Variants in SPTB observed in about 807,000 individuals in gnomAD.
The protein encoded by SPTB is spectrin beta, erythrocytic.
In SPTB, 45 loss-of-function variants were observed where a neutral mutation model predicts 256.2. That is an observed-to-expected ratio of 0.18 (90% CI 0.14 to 0.23). The LOEUF (loss-of-function observed/expected upper bound fraction) is 0.23, where lower values mean the gene tolerates loss of function less well. SPTB is among the 10% of genes least tolerant of loss of function. SPTB has a pLI of 1.00. For synonymous variants in SPTB, 1,231 were observed against 1,243.1 expected (o/e 0.99, Z 0.21); for missense variants, 2,715 against 3,040.4 (o/e 0.89, Z 2.52).
intron 32 of SPTB, among the ~76,000 whole-genome samples, chr14:64,763,994 T>C (rs1337575520): frequency 6.6e-6 from 1 of 152,012 alleles, no homozygotes; most frequent in Non-Finnish European, 1.5e-5. Flanking sequence ...CTCCCATCAG[T>C]TCCCCCCAGC....
At chr14:64,855,967 G>A (rs543068991) in intron 1 of SPTB, among the ~76,000 whole-genome samples, 10 of 152,338 alleles carry the variant, frequency 6.6e-5, no homozygotes, top group African/African-American at 2.2e-4. Context: ...CAGAGCTGCG[G>A]AAGCACTGGC....
Position 64,794,620 on chromosome 14 carries a change from G to T in SPTB, c.1645-3C>A, listed in dbSNP as rs756059657. The T allele has an allele frequency of 6.2e-7, 1 of 1,614,138 alleles. No homozygotes were observed. The highest frequency in any genetic ancestry group is 8.5e-7 in the Non-Finnish European group (1 of 1,180,024). ...AACTCGGCAGACAAGAGGTGAGCCT[G>T]GCAAAGAGAACAGCAGAAAGGAAAT... On this transcript the variant is annotated splice_region_variant and splice_polypyrimidine_tract_variant and intron_variant, in intron 12 of 35. Coordinates refer to ENST00000644917, the MANE Select transcript of SPTB (RefSeq NM_001355436.2).
At chr14:64,819,578 A>G (rs368516263) in intron 2 of SPTB, among the ~76,000 whole-genome samples, 1 of 152,174 alleles carries the variant, frequency 6.6e-6, no homozygotes, top group African/African-American at 2.4e-5. Context: ...GCTTCATCTC[A>G]TGGGCATCAG....
At position 64,793,316 on chromosome 14, in the gene SPTB, T is replaced by C. The variant is rs768150365; in HGVS notation, c.2347A>G (p.Lys783Glu). 6 of 1,608,286 alleles carry C rather than the reference T, an allele frequency of 3.7e-6. No homozygotes were observed. The highest frequency in any genetic ancestry group is 1.7e-5 in the Admixed American group (1 of 60,010). The change falls in exon 14 of 36, where the codon AAA becomes GAA. Residue 783 changes from lysine (K) to glutamate (E), a missense_variant. Physicochemically the swap from Lys to Glu is moderately conservative, Grantham distance 56 (BLOSUM62 1). Transcript: ENST00000644917. The surrounding 1 kb of genome is among the most constrained non-coding windows in gnomAD (Gnocchi z 7.0). ...QDEGATRALGKKHKDFLEELE... is the reference protein window; with the variant it reads ...QDEGATRALGEKHKDFLEELE... ...TCCTCCAGGAAGTCCTTGTGCTTTT[T>C]CCCCAGGGCCCGCGTGGCCCCTTCG...
In SPTB at chr14:64,784,341, T is replaced by G; in HGVS notation, c.3908A>C (p.Asp1303Ala). ...TTTATTGTGAAGGTTTCGTGCTTCATCATAGGAGACATCCTGAGATGTCAG... is the reference window on the plus strand; with the variant it reads ...TTTATTGTGAAGGTTTCGTGCTTCAGCATAGGAGACATCCTGAGATGTCAG... The part of the protein sequence containing the change: ...KLLTSQDVSY[D>A]EARNLHNKWL... The change falls in exon 19 of 36, where the codon GAT becomes GCT. Residue 1303 changes from aspartate (D) to alanine (A), a missense_variant. Transcript: ENST00000644917. 6.2e-7 allele frequency: 1 copy of G among 1,614,250 alleles called. No individual in the cohort carries two copies. Among genetic ancestry groups the G allele is most frequent in the Non-Finnish European group, 8.5e-7 (1 of 1,180,044 alleles).
At chr14:64,766,127 GTGTGGGTGCA>G (rs2082175447) in intron 32 of SPTB, among the ~76,000 whole-genome samples, 2 of 150,600 alleles carry the variant, frequency 1.3e-5, no homozygotes, top group African/African-American at 4.9e-5. Flanking sequence ...TGGGGATGTG[GTGTGGGTGCA>G]TGTGGGTGGG....
At chr14:64,784,545 A>G (rs2082529673) in intron 18 of SPTB, 152 bp from the exon 19 acceptor site, 1 of 1,064,848 alleles carries the variant, frequency 9.4e-7, no homozygotes, top group African/African-American at 1.6e-5. Flanking sequence ...ATCCCTCTGT[A>G]CCAGCACAGG....
At chr14:64,763,356 G>A (rs2082120903) in intron 32 of SPTB, among the ~76,000 whole-genome samples, 2 of 152,252 alleles carry the variant, frequency 1.3e-5, no homozygotes, top group Admixed American at 1.3e-4. Context: ...CAGAGGTGCA[G>A]CCCCACCTCT....
Position 64,791,753 on chromosome 14 carries a change from C to T in SPTB, c.2770G>A (p.Glu924Lys). The T allele has an allele frequency of 6.2e-7, 1 of 1,614,128 alleles. No homozygotes were observed. The highest frequency in any genetic ancestry group is 8.5e-7 in the Non-Finnish European group (1 of 1,180,016). ...LVESGHPRSREVKQYQDHLNT... is the reference protein window; with the variant it reads ...LVESGHPRSRKVKQYQDHLNT... ...AGATGGTCCTGGTACTGCTTCACCTCCCTGCTGCGTGGGTGGCCACTCTCT... is the reference window on the plus strand; with the variant it reads ...AGATGGTCCTGGTACTGCTTCACCTTCCTGCTGCGTGGGTGGCCACTCTCT... Residue 924 changes from glutamate (E) to lysine (K), a missense_variant, in exon 15 of 36, where the codon GAG becomes AAG. Around this residue, in one of 4 missense-constraint regions of SPTB, gnomAD observed 2,239 missense variants for 2,384.4 expected, o/e 0.94. Coordinates refer to ENST00000644917, the MANE Select transcript of SPTB (RefSeq NM_001355436.2).
chr14:64,751,851 A>C lies in SPTB; in HGVS notation c.6602+1686T>G, dbSNP rs1018222908. Among the ~76,000 whole-genome samples, 11 of 149,888 alleles carry C rather than the reference A, an allele frequency of 7.3e-5. No individual in the cohort carries two copies. The Admixed American group carries it at 7.4e-4, about 10-fold the overall frequency. Reference sequence around the variant, plus strand: ...GTAATCCCAGCACTTTGGGAGGCTGAGGCAGGCGGATCATGCGGTCAGGAG... The same window carrying C: ...GTAATCCCAGCACTTTGGGAGGCTGCGGCAGGCGGATCATGCGGTCAGGAG... On this transcript the variant is annotated intron_variant, in intron 33 of 35. Transcript: ENST00000644917.
Position 64,765,025 on chromosome 14 carries a change from C to CGTGTGTGTGTGTGT in SPTB, c.6345+1687_6345+1700dup, listed in dbSNP as rs565885364. Among the ~76,000 whole-genome samples the CGTGTGTGTGTGTGT allele has an allele frequency of 6.0e-3, 707 of 118,306 alleles. 15 individuals carry two copies. The highest frequency in any genetic ancestry group is 0.021 in the African/African-American group (677 of 31,728). 77.6% of individuals were successfully genotyped at this position (118,306 alleles called of 152,430 possible). A position where few individuals can be genotyped will look rare whatever the true frequency, so the allele number is the denominator to read the frequency against. On this transcript the variant is annotated intron_variant, in intron 32 of 35. Transcript: ENST00000644917. ...GCTGGAGGCCACAGAGGAGTGTGTGCGTGTGTGTGTGTGTGTGCGCGCGCG... is the reference window on the plus strand; with the variant it reads ...GCTGGAGGCCACAGAGGAGTGTGTGCGTGTGTGTGTGTGTGTGTGTGTGTGTGTGTGCGCGCGCG...
At chr14:64,835,527 T>C (rs1295186701) in intron 1 of SPTB, among the ~76,000 whole-genome samples, 1 of 152,060 alleles carries the variant, frequency 6.6e-6, no homozygotes, top group African/African-American at 2.4e-5. Context: ...AATACAGGAG[T>C]GAGCCACCTC....
chr14:64,812,534 G>A (rs1310387188), intron 2 of SPTB, among the ~76,000 whole-genome samples: 1 of 151,982 alleles, frequency 6.6e-6, no homozygotes, highest in Non-Finnish European at 1.5e-5. Context: ...ACTCCCTATG[G>A]GGGTTTAAAG....
At chr14:64,761,085 TG>T (rs760114490) in intron 32 of SPTB, among the ~76,000 whole-genome samples, 26 of 152,318 alleles carry the variant, frequency 1.7e-4, no homozygotes, top group Non-Finnish European at 2.8e-4. Flanking sequence ...CCCTGCTAGA[TG>T]CCTTAGGCAA....
At position 64,793,116 on chromosome 14, in the gene SPTB, G is replaced by T; in HGVS notation, c.2547C>A (p.Asp849Glu). The change falls in exon 14 of 36, where the codon GAC becomes GAA. Residue 849 changes from aspartate (D) to glutamate (E), a missense_variant. Asp to Glu is a conservative substitution (Grantham distance 45). Coordinates refer to ENST00000644917, the MANE Select transcript of SPTB (RefSeq NM_001355436.2). This position sits in a 1 kb window ranked among gnomAD's most constrained non-coding sequence, Gnocchi z 7.0. Reference sequence around the variant, plus strand: ...CTGTCTCCCCGAACACCGTGTACAGGTCCAGGGCTTCCTGCAGCCTCTGCT... The same window carrying T: ...CTGTCTCCCCGAACACCGTGTACAGTTCCAGGGCTTCCTGCAGCCTCTGCT... ...LRQQRLQEAL[D>E]LYTVFGETDA... The T allele has an allele frequency of 1.2e-6, 2 of 1,614,106 alleles. No homozygotes were observed. Among genetic ancestry groups the T allele is most frequent in the Non-Finnish European group, 1.7e-6 (2 of 1,180,050 alleles).
chr14:64,769,612 C>A lies in SPTB; in HGVS notation c.5915G>T (p.Arg1972Leu). The change falls in exon 28 of 36, where the codon CGG (arginine) becomes CTG (leucine). Residue 1972 changes from arginine to leucine, a missense_variant. Physicochemically the swap from Arg to Leu is moderately radical, Grantham distance 102 (BLOSUM62 -2). Coordinates refer to ENST00000644917, the MANE Select transcript of SPTB (RefSeq NM_001355436.2). The part of the protein sequence containing the change: ...CLELGESLLQ[R>L]QHQASEEIRE... ...CACCTCCTCTGAGGCCTGGTGCTGC[C>A]GCTGCAGCAGGGACTCGCCAAGCTC... is the stretch of plus-strand genomic sequence containing the variant. 3.1e-6 allele frequency: 5 copies of A among 1,614,034 alleles called. No individual in the cohort carries two copies. The highest frequency in any genetic ancestry group is 4.2e-6 in the Non-Finnish European group (5 of 1,180,040).
In SPTB at chr14:64,769,116, G is replaced by A. The variant is rs373569105; in HGVS notation, c.5940C>T (p.Ile1980=). ...ACATCACCTGCTGCAGTTTCTCGCG[G>A]ATCTATGGGGAGGAAAGGGAGAAAA... ...LQRQHQASEE[I]REKLQQVMSR... is the part of the protein sequence containing the mutation. The change falls in exon 29 of 36, where the codon ATC becomes ATT. Residue 1980 remains isoleucine, a splice_region_variant and synonymous_variant. Transcript: ENST00000644917. The A allele has an allele frequency of 1.1e-5, 17 of 1,613,490 alleles. No individual in the cohort carries two copies. Among genetic ancestry groups the A allele is most frequent in the Non-Finnish European group, 1.4e-5 (17 of 1,179,954 alleles).
rs34353769 is a variant in SPTB, at chr14:64,748,936, CTTTTT to C, written c.*365_*369del. On this transcript the variant is annotated 3_prime_UTR_variant, in exon 36 of 36. Coordinates refer to ENST00000644917, the MANE Select transcript of SPTB (RefSeq NM_001355436.2). ...AGAACCCCATCAGCCTTCTCCAGCT[CTTTTT>C]TTTTTTTTTTTTTGGTTGGGGGTAA... 146 of 128,690 alleles carry C rather than the reference CTTTTT, an allele frequency of 1.1e-3. No individual in the cohort carries two copies. Among genetic ancestry groups the C allele is most frequent in the South Asian group, 4.3e-3 (19 of 4,426 alleles). The allele number at this position is 128,690 out of a possible 1,614,324, so 8.0% of individuals were successfully genotyped here. A position where few individuals can be genotyped will look rare whatever the true frequency, so the allele number is the denominator to read the frequency against.
In SPTB at chr14:64,749,443, T is replaced by A; in HGVS notation, c.6850A>T (p.Ser2284Cys). 6.2e-7 allele frequency: 1 copy of A among 1,602,804 alleles called. No homozygotes were observed. The highest frequency in any genetic ancestry group is 8.5e-7 in the Non-Finnish European group (1 of 1,178,766). ...EEMLSWLQGV[S>C]TAINESQSIR... Reference sequence around the variant, plus strand: ...CTCTGGGACTCGTTGATGGCGGTGCTCACGCCCTGCAGCCAGGACAGCATC... The same window carrying A: ...CTCTGGGACTCGTTGATGGCGGTGCACACGCCCTGCAGCCAGGACAGCATC... The change falls in exon 36 of 36, where the codon AGC becomes TGC. Residue 2284 changes from serine to cysteine, a missense_variant. Ser to Cys is a moderately radical substitution (Grantham distance 112). Coordinates refer to ENST00000644917, the MANE Select transcript of SPTB (RefSeq NM_001355436.2). The surrounding 1 kb of genome is among the most constrained non-coding windows in gnomAD (Gnocchi z 4.7).
Sources: gnomAD v4.1 joint callset for allele counts (sites outside exome capture counted in the v4.1 genomes callset) on GRCh38, gnomAD v4.1.1 for gene constraint, gnomAD v4.1.1 regional missense constraint, Gnocchi (gnomAD v3.1) non-coding constraint, MANE v1.5 for transcripts, NCBI Gene and HGNC (gene_info 2026-07-23, HGNC 2026-07-21) for gene names.